The following ANGPT1 variants were observed in gnomAD, a reference collection of about 807,000 sequenced individuals.
The protein encoded by ANGPT1 is angiopoietin-1.
A neutral mutation model predicts 62.2 loss-of-function variants in ANGPT1; 17 were observed. That is an observed-to-expected ratio of 0.27 (90% confidence interval 0.19 to 0.41). The LOEUF (loss-of-function observed/expected upper bound fraction) is 0.41. Among genes scored for constraint, ANGPT1 ranks in the 10% least tolerant of loss-of-function variants. The pLI is 1.00. For missense variants in ANGPT1, 478 were observed against 594.9 expected, an observed-to-expected ratio of 0.80 and a Z score of 2.04; for synonymous variants, 199 against 198.9, an observed-to-expected ratio of 1.00 and a Z score of 0.00.
chr8:107,298,397 C>A (rs1814471545), intron 5 of ANGPT1, among the ~76,000 whole-genome samples: 1 of 151,622 alleles, frequency 6.6e-6, no homozygotes, highest in African/African-American at 2.4e-5. Flanking sequence ...TTGGATGAAA[C>A]TAGGCATTTG....
chr8:107,275,512 T>A (rs1488667219), intron 7 of ANGPT1, among the ~76,000 whole-genome samples: 1 of 152,170 alleles, frequency 6.6e-6, no homozygotes, highest in Non-Finnish European at 1.5e-5. Context: ...TTAGCCCTCT[T>A]TAGTCACAGC....
At chr8:107,264,077 A>T in intron 8 of ANGPT1, 144 bp downstream of exon 8, 1 of 980,890 alleles carries the variant, frequency 1.0e-6, no homozygotes, top group Non-Finnish European at 1.4e-6. Context: ...AACGCAGGGT[A>T]AATTCGTGGG....
chr8:107,411,727 A>T (rs1485675233), intron 1 of ANGPT1, among the ~76,000 whole-genome samples: 1 of 152,168 alleles, frequency 6.6e-6, no homozygotes, highest in Non-Finnish European at 1.5e-5. Flanking sequence ...TGACACAGCA[A>T]ATAGGAGACA....
intron 7 of ANGPT1, among the ~76,000 whole-genome samples, chr8:107,277,341 A>C (rs1813890409): frequency 6.6e-6 from 1 of 152,220 alleles, no homozygotes; most frequent in Admixed American, 6.5e-5. Flanking sequence ...TTAAGGCAGA[A>C]AAATTTTTAT....
chr8:107,495,725 C>A (rs1027866145), intron 1 of ANGPT1, among the ~76,000 whole-genome samples: 18 of 152,082 alleles, frequency 1.2e-4, no homozygotes, highest in Non-Finnish European at 1.5e-4. Context: ...CAACCAAAAT[C>A]ATTTGTTTAC....
chr8:107,374,884 A>G (rs528206568), intron 1 of ANGPT1, among the ~76,000 whole-genome samples: 154 of 152,298 alleles, frequency 1.0e-3, no homozygotes, highest in Middle Eastern at 3.4e-3. Flanking sequence ...AAATCTGGCC[A>G]GGCGCGGTGG....
intron 5 of ANGPT1, among the ~76,000 whole-genome samples, chr8:107,299,942 CTAGA>C (rs1277854503): frequency 7.6e-6 from 1 of 131,140 alleles, no homozygotes; most frequent in Non-Finnish European, 1.6e-5. Flanking sequence ...GTAGTTATAT[CTAGA>C]TATACTGTAT....
chr8:107,305,317 C>A (rs575123484), intron 4 of ANGPT1, among the ~76,000 whole-genome samples: 1 of 151,982 alleles, frequency 6.6e-6, no homozygotes, highest in Admixed American at 6.6e-5. Context: ...GAGAGAAAGT[C>A]ATTTATCTAT....
At chr8:107,336,376 T>G (rs1586235437) in intron 2 of ANGPT1, 105 bp from the exon 3 acceptor site, 8 of 1,442,214 alleles carry the variant, frequency 5.5e-6, no homozygotes, top group African/African-American at 1.5e-5. Flanking sequence ...ATTTAACAAA[T>G]GGTTTACCGC....
chr8:107,323,563 G>A (rs1210573699), intron 3 of ANGPT1, among the ~76,000 whole-genome samples: 1 of 152,142 alleles, frequency 6.6e-6, no homozygotes, highest in Non-Finnish European at 1.5e-5. Context: ...GTGGGTCCAA[G>A]GCTTAAATGG....
intron 1 of ANGPT1, among the ~76,000 whole-genome samples, chr8:107,444,065 T>C (rs1445858337): frequency 6.6e-6 from 1 of 152,208 alleles, no homozygotes; most frequent in Non-Finnish European, 1.5e-5. Context: ...TCTAAATTGC[T>C]CTCAGAAAGT....
At chr8:107,263,101 C>T (rs147980458) in intron 8 of ANGPT1, among the ~76,000 whole-genome samples, 1,758 of 146,436 alleles carry the variant, frequency 0.012, 30 homozygotes, top group African/African-American at 0.043. Context: ...TGCCTCTAAT[C>T]CCAGCACTTT....
At chr8:107,312,296 C>G (rs552615645) in intron 4 of ANGPT1, among the ~76,000 whole-genome samples, 1 of 152,232 alleles carries the variant, frequency 6.6e-6, no homozygotes, top group African/African-American at 2.4e-5. Context: ...GTGTTAATTT[C>G]CCATATACTT....
chr8:107,420,625 C>T (rs1586307710), intron 1 of ANGPT1, among the ~76,000 whole-genome samples: 1 of 152,098 alleles, frequency 6.6e-6, no homozygotes, highest in South Asian at 2.1e-4. Flanking sequence ...ATATATAATA[C>T]TCTCCTTATC....
chr8:107,434,603 AG>A (rs1462275108), intron 1 of ANGPT1, among the ~76,000 whole-genome samples: 4 of 135,266 alleles, frequency 3.0e-5, no homozygotes, highest in African/African-American at 1.1e-4. Context: ...TTAAAAAAAA[AG>A]AAAAAAATAC....
chr8:107,392,420 A>C (rs1816853358), intron 1 of ANGPT1, among the ~76,000 whole-genome samples: 1 of 152,076 alleles, frequency 6.6e-6, no homozygotes. Context: ...TTGTCATTTT[A>C]ATTTCTATTT....
chr8:107,356,238 G>A (rs1816042485), intron 1 of ANGPT1, among the ~76,000 whole-genome samples: 3 of 152,146 alleles, frequency 2.0e-5, no homozygotes, highest in South Asian at 2.1e-4. Context: ...CAAACATCTC[G>A]ACTATGAGTC....
intron 1 of ANGPT1, among the ~76,000 whole-genome samples, chr8:107,494,163 T>A (rs962946288): frequency 2.0e-5 from 3 of 152,200 alleles, no homozygotes; most frequent in Non-Finnish European, 4.4e-5. Context: ...AAAACAGATC[T>A]TCTAAGGATT....
intron 4 of ANGPT1, among the ~76,000 whole-genome samples, chr8:107,321,460 C>T (rs1407481865): frequency 6.6e-6 from 1 of 152,150 alleles, no homozygotes; most frequent in Non-Finnish European, 1.5e-5. Context: ...TTTCCTACCC[C>T]ATTCCCTTTA....
Sources: allele counts gnomAD v4.1 joint callset (sites outside exome capture counted in the v4.1 genomes callset), GRCh38; gene constraint gnomAD v4.1.1; transcripts MANE v1.5; gene names NCBI Gene and HGNC (gene_info 2026-07-23, HGNC 2026-07-21).